Variants in UBE2D4 observed in about 807,000 individuals in gnomAD.
The protein encoded by UBE2D4 is ubiquitin-conjugating enzyme E2 D4.
Under a neutral mutation model 23.0 loss-of-function variants are expected in UBE2D4, and 17 were observed. The ratio of observed to expected loss-of-function variants is 0.74; its 90% CI spans 0.51 to 1.11. The LOEUF is 1.11. UBE2D4 is among the 50% of genes least tolerant of loss of function. The pLI, the probability that UBE2D4 is intolerant of heterozygous loss-of-function variation, is 0.00. For missense variants in UBE2D4, 139 were observed against 181.8 expected (o/e 0.76, Z 1.35); for synonymous variants, 61 against 69.4 (o/e 0.88, Z 0.60).
At chr7:43,946,576 C>G (rs1201699329) in intron 4 of UBE2D4, among the ~76,000 whole-genome samples, 1 of 152,132 alleles carries the variant, frequency 6.6e-6, no homozygotes, top group East Asian at 1.9e-4. Flanking sequence ...TTGCTTTTCC[C>G]ATAGCAATAT....
intron 5 of UBE2D4, among the ~76,000 whole-genome samples, chr7:43,949,498 A>AT (rs1157166668): frequency 1.3e-5 from 2 of 152,216 alleles, no homozygotes; most frequent in African/African-American, 4.8e-5. Context: ...AAGCACTGGG[A>AT]TTATAGGCGT....
chr7:43,945,239 C>T (rs1187119969), intron 4 of UBE2D4, among the ~76,000 whole-genome samples: 3 of 152,146 alleles, frequency 2.0e-5, no homozygotes, highest in African/African-American at 7.2e-5. Flanking sequence ...GTGATCCGCC[C>T]ACCACGGCCT....
intron 1 of UBE2D4, 112 bp from the exon 2 acceptor site, chr7:43,938,319 G>A (rs2095962978): frequency 4.0e-6 from 4 of 991,416 alleles, no homozygotes; most frequent in South Asian, 1.3e-5. Context: ...ACCCCCTCCT[G>A]AGGCCTAGGA....
At chr7:43,931,668 G>A (rs543720419) in intron 1 of UBE2D4, among the ~76,000 whole-genome samples, 2 of 152,056 alleles carry the variant, frequency 1.3e-5, no homozygotes, top group African/African-American at 4.8e-5. Context: ...AGGAGCAAGA[G>A]AGAGAACAAG....
At chr7:43,934,453 CTTTTT>C (rs36122809) in intron 1 of UBE2D4, among the ~76,000 whole-genome samples, 4 of 142,238 alleles carry the variant, frequency 2.8e-5, no homozygotes, top group African/African-American at 7.8e-5. Context: ...CTTGTTTTTC[CTTTTT>C]TTTTTTTTTG....
intron 6 of UBE2D4, among the ~76,000 whole-genome samples, chr7:43,951,521 A>ATC (rs901976623): frequency 1.3e-5 from 2 of 151,814 alleles, no homozygotes; most frequent in Non-Finnish European, 2.9e-5. Context: ...AGAGATTAGA[A>ATC]TAGAGTATGT....
chr7:43,930,233 T>A (rs2095942454), intron 1 of UBE2D4, among the ~76,000 whole-genome samples: 1 of 151,994 alleles, frequency 6.6e-6, no homozygotes, highest in Non-Finnish European at 1.5e-5. Context: ...TGACAGTGAG[T>A]TGACCAGAAC....
intron 1 of UBE2D4, among the ~76,000 whole-genome samples, chr7:43,929,819 A>G (rs113001890): frequency 6.6e-6 from 1 of 152,254 alleles, no homozygotes; most frequent in African/African-American, 2.4e-5. Flanking sequence ...TTCCTGGGGA[A>G]AAACAACAGA....
At chr7:43,948,786 AC>A in intron 5 of UBE2D4, 49 bp downstream of exon 5, 1 of 1,406,110 alleles carries the variant, frequency 7.1e-7, no homozygotes. Context: ...ACATGTTTTT[AC>A]CCCAGCACTG....
At position 43,938,497 on chromosome 7, in the gene UBE2D4, A is replaced by G. The variant is rs1179070245; in HGVS notation, c.88+3A>G. On this transcript the variant is annotated splice_donor_region_variant and intron_variant, in intron 2 of 6. Coordinates refer to ENST00000222402, the MANE Select transcript of UBE2D4 (RefSeq NM_015983.4). ...TGCAGGACCTGTCGGTGATGACTGT[A>G]AGTATTTTGGGGGGCTTCAAGTTGT... 3.7e-6 allele frequency: 6 copies of G among 1,613,908 alleles called. No homozygotes were observed. The highest frequency in any genetic ancestry group is 5.1e-6 in the Non-Finnish European group (6 of 1,179,880).
chr7:43,947,000 C>T (rs751049017), intron 4 of UBE2D4, among the ~76,000 whole-genome samples: 2 of 152,002 alleles, frequency 1.3e-5, no homozygotes, highest in East Asian at 1.9e-4. Context: ...ATTTACATTA[C>T]GTATTTCTCC....
intron 1 of UBE2D4, chr7:43,928,100 G>T (rs2095937012): frequency 2.2e-6 from 1 of 452,148 alleles, no homozygotes; most frequent in South Asian, 1.6e-5. Context: ...GGAGAAGCAG[G>T]CGTGTCACCT....
intron 1 of UBE2D4, 109 bp downstream of exon 1, chr7:43,926,665 T>A: frequency 8.2e-7 from 1 of 1,216,450 alleles, no homozygotes; most frequent in Non-Finnish European, 1.1e-6. Flanking sequence ...GAGTCGCGGA[T>A]ACACCTGCCT....
chr7:43,949,188 G>A (rs1381719423), intron 5 of UBE2D4: 2 of 205,346 alleles, frequency 9.7e-6, no homozygotes, highest in African/African-American at 2.3e-5. Flanking sequence ...AATAAATGAT[G>A]TTGAGCACAT....
In UBE2D4 at chr7:43,927,344, G is replaced by T. The variant is rs534249582; in HGVS notation, c.24+788G>T. 3.3e-4 allele frequency among the ~76,000 whole-genome samples: 47 copies of T among 143,218 alleles called. No homozygotes were observed. The East Asian group carries it at 9.0e-3, about 28-fold the overall frequency. 94.0% of individuals were successfully genotyped at this position (143,218 alleles called of 152,430 possible). On this transcript the variant is annotated intron_variant, in intron 1 of 6. Coordinates refer to ENST00000222402, the MANE Select transcript of UBE2D4 (RefSeq NM_015983.4). ...GAGGTCTTGCTCTGTCGCCCAGGCT[G>T]GAGTATCGCCCAGGCTGGAGTACAG...
At chr7:43,937,394 TC>T (rs1350325875) in intron 1 of UBE2D4, among the ~76,000 whole-genome samples, 1 of 152,230 alleles carries the variant, frequency 6.6e-6, no homozygotes, top group East Asian at 1.9e-4. Flanking sequence ...TCTGAGCCTG[TC>T]CTTGGTCCCC....
intron 1 of UBE2D4, among the ~76,000 whole-genome samples, chr7:43,938,009 A>G (rs2095962226): frequency 6.6e-6 from 1 of 152,136 alleles, no homozygotes; most frequent in Non-Finnish European, 1.5e-5. Context: ...GCCTAGCAGT[A>G]AAACCTGGCA....
At chr7:43,952,464 G>T in intron 6 of UBE2D4, 186 bp from the exon 7 acceptor site, 1 of 588,714 alleles carries the variant, frequency 1.7e-6, no homozygotes, top group Admixed American at 2.8e-5. Context: ...CCCAGCTGGG[G>T]GTTTACAGCC....
chr7:43,950,108 G>A (rs539434595), intron 5 of UBE2D4, among the ~76,000 whole-genome samples: 7 of 152,096 alleles, frequency 4.6e-5, no homozygotes, highest in South Asian at 2.1e-4. Context: ...TGCCTGCCTC[G>A]GCCTCCCAAA....
Sources: allele counts gnomAD v4.1 joint callset (sites outside exome capture counted in the v4.1 genomes callset), GRCh38; gene constraint gnomAD v4.1.1; transcripts MANE v1.5; gene names NCBI Gene and HGNC (gene_info 2026-07-23, HGNC 2026-07-21).